LINC00305: variants seen among roughly 807,000 people sequenced by gnomAD.
LINC00305 encodes the protein long independently transcribed non-coding RNA 305, also known as long intergenic non-protein coding RNA 305.
chr18:64,141,052 TAAAAAA>T (rs34175314), intron 1 of LINC00305, among the ~76,000 whole-genome samples: 4 of 96,332 alleles, frequency 4.2e-5, no homozygotes, highest in Non-Finnish European at 7.7e-5. Flanking sequence ...GCCTGAATGA[TAAAAAA>T]AAAAAAAAAA....
chr18:64,132,509 TC>T lies in LINC00305; in HGVS notation n.314+16265del, dbSNP rs200151893. Reference sequence around the variant, plus strand: ...TGTATAAACCTTAGATAATTTCCACTCCCCCCCCGAGTAACTCATGGATACC... The same window carrying T: ...TGTATAAACCTTAGATAATTTCCACTCCCCCCCGAGTAACTCATGGATACC... On this transcript the variant is annotated intron_variant and non_coding_transcript_variant, in intron 1 of 3. Coordinates refer to ENST00000666468, the Ensembl canonical transcript of LINC00305. Among the ~76,000 whole-genome samples the T allele has an allele frequency of 4.6e-3, 687 of 150,752 alleles. 3 individuals are homozygous for T. The highest frequency in any genetic ancestry group is 0.016 in the African/African-American group (660 of 41,042).
In LINC00305 at chr18:64,143,744, TGC is replaced by T. The variant is rs1384120087; in HGVS notation, n.314+5029_314+5030del. Reference sequence around the variant, plus strand: ...TGCGTACATGTATGTCCACATATTATGCGTACATGTATGTACACATATTATGC... The same window carrying T: ...TGCGTACATGTATGTCCACATATTATGTACATGTATGTACACATATTATGC... On this transcript the variant is annotated intron_variant and non_coding_transcript_variant, in intron 1 of 3. Transcript: ENST00000666468. Among the ~76,000 whole-genome samples, 5 of 71,960 alleles carry T rather than the reference TGC, an allele frequency of 6.9e-5. No homozygotes were observed. In the East Asian group the frequency reaches 1.5e-3, roughly 22 times the overall value. 47.2% of individuals were successfully genotyped at this position (71,960 alleles called of 152,430 possible). A position where few individuals can be genotyped will look rare whatever the true frequency, so the allele number is the denominator to read the frequency against.
intron 1 of LINC00305, among the ~76,000 whole-genome samples, chr18:64,121,696 G>C (rs2051362796): frequency 6.6e-6 from 1 of 152,044 alleles, no homozygotes; most frequent in Non-Finnish European, 1.5e-5. Flanking sequence ...CTTTTCCTGT[G>C]CATAGACACC....
chr18:64,138,400 G>A (rs1458844574), intron 1 of LINC00305, among the ~76,000 whole-genome samples: 2 of 152,200 alleles, frequency 1.3e-5, no homozygotes, highest in Admixed American at 1.3e-4. Flanking sequence ...TAAATCCTGA[G>A]TTCAGGTCAG....
chr18:64,095,883 T>G (rs2051243039), intron 3 of LINC00305, among the ~76,000 whole-genome samples: 1 of 152,052 alleles, frequency 6.6e-6, no homozygotes, highest in South Asian at 2.1e-4. Flanking sequence ...ATAAAAGAGA[T>G]CAATGAGTAT....
chr18:64,119,177 T>C (rs1040182945), intron 1 of LINC00305, among the ~76,000 whole-genome samples: 2 of 152,126 alleles, frequency 1.3e-5, no homozygotes, highest in Non-Finnish European at 2.9e-5. Context: ...CAGGGAAAGA[T>C]GTAGACTCCT....
chr18:64,133,220 C>T (rs892197620), intron 1 of LINC00305, among the ~76,000 whole-genome samples: 3 of 152,100 alleles, frequency 2.0e-5, no homozygotes, highest in African/African-American at 7.2e-5. Flanking sequence ...TGGCTGTGTG[C>T]TATGCTGGCC....
At chr18:64,090,312 T>C (rs2051219980) in intron 3 of LINC00305, among the ~76,000 whole-genome samples, 1 of 152,220 alleles carries the variant, frequency 6.6e-6, no homozygotes, top group African/African-American at 2.4e-5. Context: ...TAGAAAGTTG[T>C]GATATAATCT....
At chr18:64,128,238 C>T (rs954433022) in intron 1 of LINC00305, among the ~76,000 whole-genome samples, 1 of 152,028 alleles carries the variant, frequency 6.6e-6, no homozygotes, top group Non-Finnish European at 1.5e-5. Context: ...TTGCAAGATT[C>T]CTGAGCTACT....
At chr18:64,137,476 C>T (rs144816620) in intron 1 of LINC00305, among the ~76,000 whole-genome samples, 561 of 152,284 alleles carry the variant, frequency 3.7e-3, no homozygotes, top group Non-Finnish European at 6.1e-3. Flanking sequence ...ATTTGATTCA[C>T]CAACGAATAA....
intron 1 of LINC00305, among the ~76,000 whole-genome samples, chr18:64,100,795 T>C (rs187834704): frequency 6.6e-6 from 1 of 152,186 alleles, no homozygotes; most frequent in Non-Finnish European, 1.5e-5. Flanking sequence ...GGCAGTTGCC[T>C]GCTATGTTCA....
chr18:64,094,460 T>C (rs543867285), intron 3 of LINC00305, among the ~76,000 whole-genome samples: 3 of 152,074 alleles, frequency 2.0e-5, no homozygotes, highest in African/African-American at 7.2e-5. Flanking sequence ...AGAGTAAGGA[T>C]CAGCCCAGGG....
Position 64,100,082 on chromosome 18 carries a change from A to G in LINC00305, n.315-1442T>C, listed in dbSNP as rs529056852. 3.9e-5 allele frequency among the ~76,000 whole-genome samples: 6 copies of G among 152,214 alleles called. No individual in the cohort carries two copies. In the South Asian group the frequency reaches 1.2e-3, roughly 32 times the overall value. ...TTTTTAAAGAAAGACTTAATATCCA[A>G]TTATTTTTACAAGAAAGCTGGCTGG... On this transcript the variant is annotated intron_variant and non_coding_transcript_variant, in intron 1 of 3. Coordinates refer to ENST00000666468, the Ensembl canonical transcript of LINC00305.
intron 3 of LINC00305, among the ~76,000 whole-genome samples, chr18:64,092,854 T>A (rs2051230375): frequency 6.6e-6 from 1 of 152,222 alleles, no homozygotes; most frequent in South Asian, 2.1e-4. Context: ...ATTAAGGATG[T>A]ACTTGGGGTG....
intron 1 of LINC00305, among the ~76,000 whole-genome samples, chr18:64,142,281 G>A (rs1480288672): frequency 2.6e-5 from 4 of 152,154 alleles, no homozygotes; most frequent in South Asian, 2.1e-4. Flanking sequence ...AAAAGTTGTT[G>A]TTGAAAAAGA....
chr18:64,134,731 T>A (rs1416918221), intron 1 of LINC00305, among the ~76,000 whole-genome samples: 1 of 152,208 alleles, frequency 6.6e-6, no homozygotes, highest in Non-Finnish European at 1.5e-5. Flanking sequence ...CATTGTAATA[T>A]TTTCCCAAAA....
chr18:64,111,733 C>T (rs1451014507), intron 1 of LINC00305, among the ~76,000 whole-genome samples: 1 of 152,130 alleles, frequency 6.6e-6, no homozygotes, highest in African/African-American at 2.4e-5. Flanking sequence ...TTTCTGGTCT[C>T]TCAACCTGCC....
exon 3 of LINC00305, chr18:64,097,955 C>T (rs575607756): frequency 1.7e-5 from 8 of 457,916 alleles, no homozygotes; most frequent in South Asian, 1.2e-4. Flanking sequence ...TTTCCATCTC[C>T]TGCTTTCCCT....
chr18:64,148,516 A>G (rs763901356), intron 1 of LINC00305, among the ~76,000 whole-genome samples: 1 of 152,108 alleles, frequency 6.6e-6, no homozygotes, highest in African/African-American at 2.4e-5. Context: ...GAGGCCTCCA[A>G]AGTGGAACAA....
Sources: allele counts gnomAD v4.1 joint callset (sites outside exome capture counted in the v4.1 genomes callset), GRCh38; gene constraint gnomAD v4.1.1; transcripts MANE v1.5; gene names NCBI Gene and HGNC (gene_info 2026-07-23, HGNC 2026-07-21).